ZC3H7B: variants seen among roughly 807,000 people sequenced by gnomAD.
ZC3H7B encodes zinc finger CCCH-type containing 7B.
A neutral mutation model predicts 116.0 loss-of-function variants in ZC3H7B; 35 were observed. The ratio of observed to expected loss-of-function variants is 0.30; its 90% confidence interval spans 0.23 to 0.40. The LOEUF (loss-of-function observed/expected upper bound fraction) is 0.40, where lower values mean the gene tolerates loss of function less well. Among genes scored for constraint, ZC3H7B ranks in the 10% least tolerant of loss-of-function variants. The pLI is 1.00. For missense variants in ZC3H7B, 1,011 were observed against 1,321.5 expected, an observed-to-expected ratio of 0.77 and a Z score of 3.64; for synonymous variants, 502 against 545.6, an observed-to-expected ratio of 0.92 and a Z score of 1.11.
chr22:41,340,936 GGAGAGGATAGAGT>G (rs2036515119), intron 10 of ZC3H7B, 139 bp from the exon 11 acceptor site: 1 of 644,868 alleles, frequency 1.6e-6, no homozygotes, highest in Non-Finnish European at 2.6e-6. Context: ...GGAGTGGAGA[GGAGAGGATAGAGT>G]CAGGGGTTCA....
intron 13 of ZC3H7B, 50 bp downstream of exon 13, chr22:41,343,626 C>T: frequency 2.6e-6 from 4 of 1,510,600 alleles, no homozygotes; most frequent in Non-Finnish European, 3.6e-6. Context: ...CCAGCCCCTC[C>T]ACCCCCAGCC....
In ZC3H7B at chr22:41,356,782, C is replaced by T. The variant is rs1305764437; in HGVS notation, c.2655C>T (p.Pro885=). 6.2e-7 allele frequency: 1 copy of T among 1,613,534 alleles called. No individual in the cohort carries two copies. The highest frequency in any genetic ancestry group is 1.1e-5 in the South Asian group (1 of 91,080). ...SDASGWAFRF[P]MGEFRLCDRL... The stretch of plus-strand genomic sequence containing the variant: ...CCAGCGGCTGGGCCTTCCGCTTCCC[C>T]ATGGGCGAGTTCCGGCTCTGCGACA... Residue 885 remains proline, a synonymous_variant, in exon 22 of 23, where the codon CCC becomes CCT. Coordinates refer to ENST00000352645, the MANE Select transcript of ZC3H7B (RefSeq NM_017590.6).
chr22:41,303,430 T>A (rs994298479), intron 1 of ZC3H7B, among the ~76,000 whole-genome samples: 1 of 152,210 alleles, frequency 6.6e-6, no homozygotes, highest in Non-Finnish European at 1.5e-5. Flanking sequence ...TGCTGATCTC[T>A]CGAGTCTTAG....
chr22:41,309,728 C>T (rs1375816902), intron 1 of ZC3H7B, among the ~76,000 whole-genome samples: 1 of 152,086 alleles, frequency 6.6e-6, no homozygotes, highest in Non-Finnish European at 1.5e-5. Flanking sequence ...GTCTTCCTGC[C>T]CATGGATGAC....
chr22:41,321,069 C>T (rs2036250203), intron 2 of ZC3H7B, among the ~76,000 whole-genome samples: 1 of 152,124 alleles, frequency 6.6e-6, no homozygotes, highest in Non-Finnish European at 1.5e-5. Context: ...CTGGGACCTT[C>T]ACATCTGTGT....
Position 41,349,358 on chromosome 22 carries a change from G to T in ZC3H7B, c.1948+57G>T. On this transcript the variant is annotated intron_variant, in intron 16 of 22. Coordinates refer to ENST00000352645, the MANE Select transcript of ZC3H7B (RefSeq NM_017590.6). This position sits in a 1 kb window ranked among gnomAD's most constrained non-coding sequence, Gnocchi z 4.9. ...GTGACTCAGGTGAGGGGTAGGCGGCGCAGGTGAAGGGAGCGCAGGACTGAC... is the reference window on the plus strand; with the variant it reads ...GTGACTCAGGTGAGGGGTAGGCGGCTCAGGTGAAGGGAGCGCAGGACTGAC... The T allele has an allele frequency of 6.3e-7, 1 of 1,593,354 alleles. No homozygotes were observed.
intron 2 of ZC3H7B, among the ~76,000 whole-genome samples, chr22:41,323,595 G>T (rs532039417): frequency 7.2e-5 from 11 of 152,222 alleles, no homozygotes; most frequent in Non-Finnish European, 1.6e-4. Flanking sequence ...GAAGCCGTCT[G>T]TTGGCCTCCT....
chr22:41,304,585 A>G (rs537725756), intron 1 of ZC3H7B, among the ~76,000 whole-genome samples: 1 of 152,136 alleles, frequency 6.6e-6, no homozygotes, highest in South Asian at 2.1e-4. Flanking sequence ...GTGCAGTGGG[A>G]GTGGAGAGAA....
Position 41,356,536 on chromosome 22 carries a change from TG to T in ZC3H7B, c.2517+63del, listed in dbSNP as rs1485850268. The stretch of plus-strand genomic sequence containing the variant: ...TCGGGGCTGTGGTCTGAGCCTCACC[TG>T]GGAGGGGCAGCCTGGAGGGCCCAGC... On this transcript the variant is annotated intron_variant, in intron 21 of 22. Transcript: ENST00000352645. 1.9e-6 allele frequency: 3 copies of T among 1,610,296 alleles called. No individual in the cohort carries two copies. In the African/African-American group the frequency reaches 4.0e-5, roughly 22 times the overall value.
intron 6 of ZC3H7B, 29 bp downstream of exon 6, chr22:41,330,132 C>G: frequency 6.2e-7 from 1 of 1,612,150 alleles, no homozygotes; most frequent in Non-Finnish European, 8.5e-7. Context: ...CTGGGAGGGT[C>G]GGTGTGGACG....
chr22:41,328,651 T>A (rs2036345724), intron 5 of ZC3H7B, among the ~76,000 whole-genome samples: 1 of 152,148 alleles, frequency 6.6e-6, no homozygotes. Flanking sequence ...CCCCTCACTC[T>A]TGCTTGGCAC....
chr22:41,318,281 G>T (rs1250574690), intron 1 of ZC3H7B, among the ~76,000 whole-genome samples: 3 of 152,008 alleles, frequency 2.0e-5, no homozygotes, highest in Non-Finnish European at 2.9e-5. Context: ...TGTAATCCCA[G>T]CACTTTGGGA....
chr22:41,335,217 T>G (rs755387103), intron 7 of ZC3H7B: 2 of 152,222 alleles, frequency 1.3e-5, no homozygotes, highest in Non-Finnish European at 2.9e-5. Context: ...CTGAGCACGC[T>G]CCTTATCTAC....
At position 41,327,241 on chromosome 22, in the gene ZC3H7B, G is replaced by A; in HGVS notation, c.321G>A (p.Lys107=). The A allele has an allele frequency of 6.2e-7, 1 of 1,614,096 alleles. No homozygotes were observed. The highest frequency in any genetic ancestry group is 8.5e-7 in the Non-Finnish European group (1 of 1,180,050). ...LYEKALEDSE[K]ALGLDSESIR... ...AGAAGGCGCTGGAGGACAGCGAGAA[G>A]GCGCTGGGCCTGGACAGTGAGAGTA... is the stretch of plus-strand genomic sequence containing the variant. The change falls in exon 5 of 23, where the codon AAG becomes AAA. Residue 107 remains lysine, a synonymous_variant. Transcript: ENST00000352645. This position sits in a 1 kb window ranked among gnomAD's most constrained non-coding sequence, Gnocchi z 4.5.
intron 9 of ZC3H7B, 115 bp downstream of exon 9, chr22:41,339,306 C>T (rs970571439): frequency 2.2e-5 from 28 of 1,281,760 alleles, no homozygotes; most frequent in Middle Eastern, 1.9e-4. Flanking sequence ...CAGGAGGAGG[C>T]CTCAGTAGGG....
rs768101920 is a variant in ZC3H7B at position 41,349,100 on chromosome 22, CCTGCCTG to C, written c.1767-18_1767-12del. On this transcript the variant is annotated splice_polypyrimidine_tract_variant and intron_variant, in intron 15 of 22. Coordinates refer to ENST00000352645, the MANE Select transcript of ZC3H7B (RefSeq NM_017590.6). The surrounding 1 kb of genome is among the most constrained non-coding windows in gnomAD (Gnocchi z 4.9). Reference sequence around the variant, plus strand: ...GGGCTGCGGACTGCATCGTGCCCCTCCTGCCTGCCCGCCCGCCAGGTGCCTGGTGCAC... The same window carrying C: ...GGGCTGCGGACTGCATCGTGCCCCTCCCCGCCCGCCAGGTGCCTGGTGCAC... 1.2e-5 allele frequency: 20 copies of C among 1,612,290 alleles called. No homozygotes were observed. Among genetic ancestry groups the C allele is most frequent in the Non-Finnish European group, 1.6e-5 (19 of 1,179,466 alleles).
At chr22:41,312,279 C>A (rs2036129028) in intron 1 of ZC3H7B, among the ~76,000 whole-genome samples, 1 of 151,648 alleles carries the variant, frequency 6.6e-6, no homozygotes, top group Admixed American at 6.6e-5. Context: ...CCAGCCTGGA[C>A]AACATGGTGA....
chr22:41,356,132 A>G, intron 20 of ZC3H7B, 70 bp downstream of exon 20: 1 of 1,469,708 alleles, frequency 6.8e-7, no homozygotes, highest in East Asian at 2.3e-5. Flanking sequence ...TCAATTCACC[A>G]GCGGGCCCAA....
intron 14 of ZC3H7B, 105 bp from the exon 15 acceptor site, chr22:41,347,962 C>T: frequency 5.3e-6 from 5 of 940,808 alleles, no homozygotes; most frequent in Non-Finnish European, 8.6e-6. Context: ...CAGGGCAGGG[C>T]TTGCAGGGAC....
Sources: gnomAD v4.1 joint callset for allele counts (sites outside exome capture counted in the v4.1 genomes callset) on GRCh38, gnomAD v4.1.1 for gene constraint, Gnocchi (gnomAD v3.1) non-coding constraint, MANE v1.5 for transcripts, NCBI Gene and HGNC (gene_info 2026-07-23, HGNC 2026-07-21) for gene names.